Variants in GRM8 observed in about 807,000 individuals in gnomAD.
GRM8 encodes metabotropic glutamate receptor 8.
GRM8 carries 47 observed loss-of-function variants against 87.2 expected under a neutral mutation model. The observed-to-expected ratio is 0.54, with a 90% confidence interval of 0.43 to 0.69. The LOEUF (loss-of-function observed/expected upper bound fraction) is 0.69, where lower values mean the gene tolerates loss of function less well. Ranked by LOEUF, GRM8 falls within the 30% of genes least tolerant of loss-of-function variation. The pLI is 0.00. For synonymous variants in GRM8, 396 were observed against 404.5 expected (o/e 0.98, Z 0.25); for missense variants, 1,019 against 1,139.2 (o/e 0.89, Z 1.52).
At chr7:126,776,604 GTTGATCATTTA>G (rs1819503652) in intron 6 of GRM8, among the ~76,000 whole-genome samples, 1 of 152,124 alleles carries the variant, frequency 6.6e-6, no homozygotes, top group Non-Finnish European at 1.5e-5. Flanking sequence ...CAATAACGTG[GTTGATCATTTA>G]TTTGCAACAC....
At chr7:127,205,843 T>C (rs1003263617) in intron 2 of GRM8, among the ~76,000 whole-genome samples, 12 of 152,146 alleles carry the variant, frequency 7.9e-5, no homozygotes, top group Admixed American at 7.9e-4. Context: ...TTCCCTTGTA[T>C]TCTCATCTCT....
At chr7:126,485,026 C>T (rs944445546) in intron 9 of GRM8, among the ~76,000 whole-genome samples, 14 of 151,780 alleles carry the variant, frequency 9.2e-5, no homozygotes, top group Non-Finnish European at 1.8e-4. Flanking sequence ...AAATCATTTT[C>T]GAGTTGGTTA....
In GRM8 at chr7:126,715,164, C is replaced by G. The variant is rs571394712; in HGVS notation, c.1357+54701G>C. Among the ~76,000 whole-genome samples, 15 of 152,182 alleles carry G rather than the reference C, an allele frequency of 9.9e-5. No homozygotes were observed. The East Asian group carries it at 2.9e-3, about 29-fold the overall frequency. On this transcript the variant is annotated intron_variant, in intron 7 of 10. Transcript: ENST00000339582. ...AAGGTTTACAGTATTGCACTAAATGCAATGAAAAATGCAAGAACGTTGACA... is the reference window on the plus strand; with the variant it reads ...AAGGTTTACAGTATTGCACTAAATGGAATGAAAAATGCAAGAACGTTGACA...
chr7:126,690,719 G>C (rs866096743), intron 7 of GRM8, among the ~76,000 whole-genome samples: 1 of 152,304 alleles, frequency 6.6e-6, no homozygotes, highest in Middle Eastern at 3.4e-3. Flanking sequence ...GACAAGTGAA[G>C]GGTGAGCAAG....
rs78385230 is a variant in GRM8 at position 126,905,782 on chromosome 7, A to G, written c.728-1099T>C. ...AAGTATATAATTAATAGGATACCCA[A>G]TACAATCAGAACACAGAAGAAGGAG... On this transcript the variant is annotated intron_variant, in intron 3 of 10. Coordinates refer to ENST00000339582, the MANE Select transcript of GRM8 (RefSeq NM_000845.3). 4.4e-3 allele frequency among the ~76,000 whole-genome samples: 674 copies of G among 152,330 alleles called. 7 individuals carry two copies. Among genetic ancestry groups the G allele is most frequent in the African/African-American group, 0.015 (641 of 41,578 alleles).
intron 2 of GRM8, among the ~76,000 whole-genome samples, chr7:127,141,435 C>G (rs1246520377): frequency 6.6e-6 from 1 of 152,012 alleles, no homozygotes; most frequent in Non-Finnish European, 1.5e-5. Flanking sequence ...TCAGATAATC[C>G]AAAAAATTGT....
intron 6 of GRM8, among the ~76,000 whole-genome samples, chr7:126,842,819 GA>G (rs1279778332): frequency 6.6e-6 from 1 of 152,150 alleles, no homozygotes; most frequent in Non-Finnish European, 1.5e-5. Flanking sequence ...CTTCAGAAAA[GA>G]ATGCAGTCCT....
chr7:126,798,595 G>A, intron 6 of GRM8, among the ~76,000 whole-genome samples: 1 of 152,170 alleles, frequency 6.6e-6, no homozygotes, highest in East Asian at 1.9e-4. Context: ...TTTTGAAATA[G>A]GGCTGAGCTG....
chr7:127,001,773 GA>G (rs1026785213), intron 3 of GRM8, among the ~76,000 whole-genome samples: 2 of 151,358 alleles, frequency 1.3e-5, no homozygotes, highest in African/African-American at 4.8e-5. Context: ...CACAAAACTG[GA>G]AAAAAACCCA....
chr7:127,018,375 T>C (rs1303838837), intron 3 of GRM8, among the ~76,000 whole-genome samples: 1 of 148,414 alleles, frequency 6.7e-6, no homozygotes, highest in Non-Finnish European at 1.5e-5. Context: ...AAACACACAA[T>C]GGAGAGCAAT....
At chr7:126,581,859 C>G (rs1795643357) in intron 8 of GRM8, among the ~76,000 whole-genome samples, 1 of 152,034 alleles carries the variant, frequency 6.6e-6, no homozygotes, top group Admixed American at 6.6e-5. Flanking sequence ...AGAACTACAC[C>G]TATATAAGTC....
chr7:126,559,576 T>TG (rs1391720336), intron 8 of GRM8, among the ~76,000 whole-genome samples: 1 of 152,220 alleles, frequency 6.6e-6, no homozygotes, highest in Non-Finnish European at 1.5e-5. Context: ...GGATAATTCT[T>TG]GAATAGATCA....
At chr7:127,090,685 C>A (rs1823973699) in intron 3 of GRM8, among the ~76,000 whole-genome samples, 1 of 149,760 alleles carries the variant, frequency 6.7e-6, no homozygotes, top group African/African-American at 2.5e-5. Context: ...ATTCCCGGCT[C>A]TCCTTCCTTC....
intron 7 of GRM8, among the ~76,000 whole-genome samples, chr7:126,642,576 C>A (rs145192040): frequency 0.012 from 1,790 of 151,982 alleles, 32 homozygotes; most frequent in African/African-American, 0.041. Context: ...GGAGGCAGAT[C>A]TTGCAGTGAG....
At chr7:126,494,374 G>A (rs1808433279) in intron 9 of GRM8, among the ~76,000 whole-genome samples, 1 of 152,036 alleles carries the variant, frequency 6.6e-6, no homozygotes, top group East Asian at 2.0e-4. Context: ...CAAACCACAC[G>A]CAGGTTGTCA....
At chr7:126,959,522 A>G (rs2131670419) in intron 3 of GRM8, among the ~76,000 whole-genome samples, 1 of 152,304 alleles carries the variant, frequency 6.6e-6, no homozygotes, top group East Asian at 1.9e-4. Context: ...TGAACAATGG[A>G]AATGGGACTC....
chr7:127,176,260 A>G (rs1554606113), intron 2 of GRM8, among the ~76,000 whole-genome samples: 2 of 152,226 alleles, frequency 1.3e-5, no homozygotes, highest in Non-Finnish European at 2.9e-5. Flanking sequence ...GCAGGAAAAT[A>G]CTGGAACAAA....
chr7:127,108,618 A>C (rs1344939904), intron 2 of GRM8, among the ~76,000 whole-genome samples: 1 of 152,218 alleles, frequency 6.6e-6, no homozygotes, highest in Admixed American at 6.5e-5. Context: ...ACCCTTTCTA[A>C]AAATGAGCAG....
intron 9 of GRM8, among the ~76,000 whole-genome samples, chr7:126,457,328 G>T (rs1051544113): frequency 6.6e-6 from 1 of 151,368 alleles, no homozygotes; most frequent in Non-Finnish European, 1.5e-5. Context: ...GTCCTAGAAA[G>T]AAAGGAGAGA....
Sources: gnomAD v4.1 joint callset for allele counts (sites outside exome capture counted in the v4.1 genomes callset) on GRCh38, gnomAD v4.1.1 for gene constraint, MANE v1.5 for transcripts, NCBI Gene and HGNC (gene_info 2026-07-23, HGNC 2026-07-21) for gene names.